Variants in KCNQ1 observed in about 807,000 individuals in gnomAD.
KCNQ1 encodes the protein potassium voltage-gated channel subfamily Q member 1.
Under a neutral mutation model 72.4 loss-of-function variants are expected in KCNQ1, and 49 were observed. The ratio of observed to expected loss-of-function variants is 0.68; its 90% confidence interval spans 0.54 to 0.86. The LOEUF is 0.86. Among genes scored for constraint, KCNQ1 ranks in the 40% least tolerant of loss-of-function variants. KCNQ1 has a pLI of 0.00. For missense variants in KCNQ1, 790 were observed against 945.1 expected, an observed-to-expected ratio of 0.84 and a Z score of 2.15; for synonymous variants, 450 against 412.6, an observed-to-expected ratio of 1.09 and a Z score of -1.10.
chr11:2,709,246 CCAGCTG>C (rs1850964985), intron 11 of KCNQ1, among the ~76,000 whole-genome samples: 1 of 148,686 alleles, frequency 6.7e-6, no homozygotes, highest in Admixed American at 6.7e-5. Context: ...CCCCCCAGCC[CCAGCTG>C]CAGAGGACTT....
chr11:2,632,203 A>G, intron 10 of KCNQ1: 1 of 397,376 alleles, frequency 2.5e-6, no homozygotes, highest in Non-Finnish European at 4.4e-6. Flanking sequence ...AAAAAAAAAA[A>G]GAAATGCAAC....
chr11:2,445,176 C>T lies in KCNQ1; in HGVS notation c.78C>T (p.Gly26=). 1 of 1,133,860 alleles carries T rather than the reference C, an allele frequency of 8.8e-7. No homozygotes were observed. The highest frequency in any genetic ancestry group is 1.1e-6 in the Non-Finnish European group (1 of 922,400). The allele number at this position is 1,133,860 out of a possible 1,614,324, so 70.2% of individuals were successfully genotyped here. A position where few individuals can be genotyped will look rare whatever the true frequency, so the allele number is the denominator to read the frequency against. ...GWGRLPGARR[G]SAGLAKKCPF... Reference sequence around the variant, plus strand: ...GCCGCCTGCCAGGCGCCCGGCGGGGCAGCGCGGGCCTGGCCAAGAAGTGCC... The same window carrying T: ...GCCGCCTGCCAGGCGCCCGGCGGGGTAGCGCGGGCCTGGCCAAGAAGTGCC... Residue 26 remains glycine, a synonymous_variant, in exon 1 of 16, where the codon GGC becomes GGT. Coordinates refer to ENST00000155840, the MANE Select transcript of KCNQ1 (RefSeq NM_000218.3).
intron 10 of KCNQ1, chr11:2,640,342 C>T: frequency 2.5e-6 from 1 of 398,594 alleles, no homozygotes; most frequent in South Asian, 1.3e-4. Flanking sequence ...ATTCGGCCAT[C>T]TTGGAACCAC....
chr11:2,542,131 C>G (rs926748228), intron 2 of KCNQ1, among the ~76,000 whole-genome samples: 1 of 152,252 alleles, frequency 6.6e-6, no homozygotes, highest in African/African-American at 2.4e-5. Context: ...GGTCCACACA[C>G]GTCACCAATC....
At chr11:2,605,540 A>C (rs1181204941) in intron 10 of KCNQ1, among the ~76,000 whole-genome samples, 1 of 152,222 alleles carries the variant, frequency 6.6e-6, no homozygotes, top group Non-Finnish European at 1.5e-5. Flanking sequence ...TGTTCAAAAG[A>C]CTATTCTTTC....
In KCNQ1 at chr11:2,703,726, T is replaced by C. The variant is rs1437473287; in HGVS notation, c.1514+41645T>C. The stretch of plus-strand genomic sequence containing the variant: ...TGCAAGGCAGGAGAAAGAACTGCTG[T>C]GGGAGCCCCTCACCCAAGCAGCAGG... On this transcript the variant is annotated intron_variant, in intron 11 of 15. Transcript: ENST00000155840. The surrounding 1 kb of genome is among the most constrained non-coding windows in gnomAD (Gnocchi z 6.4). Among the ~76,000 whole-genome samples the C allele has an allele frequency of 5.3e-5, 8 of 152,204 alleles. No individual in the cohort carries two copies. The East Asian group carries it at 9.6e-4, about 18-fold the overall frequency.
At chr11:2,619,465 A>G (rs917122905) in intron 10 of KCNQ1, 1 of 398,618 alleles carries the variant, frequency 2.5e-6, no homozygotes, top group Admixed American at 4.4e-5. Context: ...TTAGTATCAC[A>G]TTGATTGCTA....
rs1476144844 is a variant in KCNQ1 at position 2,670,336 on chromosome 11, G to C, written c.1514+8255G>C. ...ATCTCAAATATGGTAGCAGAGTTCA[G>C]ACTCAGTGGCTTTCAGATGGTTAGT... On this transcript the variant is annotated intron_variant, in intron 11 of 15. Coordinates refer to ENST00000155840, the MANE Select transcript of KCNQ1 (RefSeq NM_000218.3). The surrounding 1 kb of genome is among the most constrained non-coding windows in gnomAD (Gnocchi z 4.9). 2.5e-6 allele frequency: 1 copy of C among 398,436 alleles called. No individual in the cohort carries two copies. Among genetic ancestry groups the C allele is most frequent in the Non-Finnish European group, 4.4e-6 (1 of 226,068 alleles). The allele number at this position is 398,436 out of a possible 1,614,324, so 24.7% of individuals were successfully genotyped here.
rs1264125583 is a variant in KCNQ1 at position 2,592,326 on chromosome 11, A to G, written c.1393+3472A>G. ...AGGCACAGGCAGGTATGGCAGTGGC[A>G]GACCTCAGGGGAGGGAGGCTGGGAA... is the stretch of plus-strand genomic sequence containing the variant. On this transcript the variant is annotated intron_variant, in intron 10 of 15. Transcript: ENST00000155840. The surrounding 1 kb of genome is among the most constrained non-coding windows in gnomAD (Gnocchi z 5.2). Among the ~76,000 whole-genome samples the G allele has an allele frequency of 6.6e-6, 1 of 152,234 alleles. No individual in the cohort carries two copies. The highest frequency in any genetic ancestry group is 2.4e-5 in the African/African-American group (1 of 41,450).
At chr11:2,770,402 G>A (rs910939868) in intron 12 of KCNQ1, among the ~76,000 whole-genome samples, 1 of 152,360 alleles carries the variant, frequency 6.6e-6, no homozygotes, top group South Asian at 2.1e-4. Flanking sequence ...GCCAGCACCC[G>A]CTAGGCTCGT....
intron 11 of KCNQ1, chr11:2,685,218 C>G (rs1296378575): frequency 1.0e-5 from 4 of 398,664 alleles, no homozygotes; most frequent in Non-Finnish European, 8.8e-6. Context: ...AGCTCACACA[C>G]GGAGGCACTA....
intron 15 of KCNQ1, among the ~76,000 whole-genome samples, chr11:2,836,311 C>T (rs550007066): frequency 6.6e-6 from 1 of 152,132 alleles, no homozygotes; most frequent in Admixed American, 6.5e-5. Context: ...AGCAGGAGCC[C>T]CCACACCCAC....
intron 6 of KCNQ1, among the ~76,000 whole-genome samples, chr11:2,581,155 G>A (rs1232236065): frequency 6.6e-6 from 1 of 152,238 alleles, no homozygotes; most frequent in East Asian, 1.9e-4. Context: ...TCAAGGCCAG[G>A]ATAGGCCAGG....
At chr11:2,489,719 A>G (rs764644414) in intron 1 of KCNQ1, among the ~76,000 whole-genome samples, 10 of 152,218 alleles carry the variant, frequency 6.6e-5, no homozygotes, top group Non-Finnish European at 1.3e-4. Context: ...GGCAGAGTCA[A>G]TGGGCACACA....
At chr11:2,822,227 A>G (rs978846288) in intron 15 of KCNQ1, among the ~76,000 whole-genome samples, 1 of 152,188 alleles carries the variant, frequency 6.6e-6, no homozygotes, top group African/African-American at 2.4e-5. Context: ...ACACCTTGTT[A>G]GCCCGGTGAG....
chr11:2,722,967 A>T (rs892174999), intron 11 of KCNQ1, among the ~76,000 whole-genome samples: 2 of 152,218 alleles, frequency 1.3e-5, no homozygotes, highest in Non-Finnish European at 2.9e-5. Flanking sequence ...TGGGCACTGC[A>T]GCTGCCACCT....
Position 2,809,487 on chromosome 11 carries a change from G to A in KCNQ1, c.1794+31450G>A, listed in dbSNP as rs1847444908. Among the ~76,000 whole-genome samples, 1 of 152,116 alleles carries A rather than the reference G, an allele frequency of 6.6e-6. No individual in the cohort carries two copies. The highest frequency in any genetic ancestry group is 2.1e-4 in the South Asian group (1 of 4,820). On this transcript the variant is annotated intron_variant, in intron 15 of 15. Transcript: ENST00000155840. The surrounding 1 kb of genome is among the most constrained non-coding windows in gnomAD (Gnocchi z 7.1). Reference sequence around the variant, plus strand: ...TTGTGATACTTGTGCACAGCTTGGGGGCTCTGCTTCCCTCTGTTTGTTCGT... The same window carrying A: ...TTGTGATACTTGTGCACAGCTTGGGAGCTCTGCTTCCCTCTGTTTGTTCGT...
In KCNQ1 at chr11:2,494,719, A is replaced by G. The variant is rs1398477268; in HGVS notation, c.387-33209A>G. On this transcript the variant is annotated intron_variant, in intron 1 of 15. Transcript: ENST00000155840. The surrounding 1 kb of genome is among the most constrained non-coding windows in gnomAD (Gnocchi z 4.6). The stretch of plus-strand genomic sequence containing the variant: ...TTGATCACCATGGATAAGCTTTTTG[A>G]TGTGCTGCTGGATTCAGTTTGCCAG... Among the ~76,000 whole-genome samples, 1 of 152,124 alleles carries G rather than the reference A, an allele frequency of 6.6e-6. No individual in the cohort carries two copies. The highest frequency in any genetic ancestry group is 1.5e-5 in the Non-Finnish European group (1 of 68,018).
At position 2,570,212 on chromosome 11, in the gene KCNQ1, C is replaced by T. The variant is rs965562336; in HGVS notation, c.478-416C>T. On this transcript the variant is annotated intron_variant, in intron 2 of 15. Transcript: ENST00000155840. ...CTCTGACCCAAGCTGGGGTTCCTGG[C>T]GTCGGACGCCCTCTGGCCCAAGCTG... 3.6e-3 allele frequency among the ~76,000 whole-genome samples: 532 copies of T among 148,984 alleles called. 1 individual carries two copies. The highest frequency in any genetic ancestry group is 0.013 in the African/African-American group (512 of 38,922).
Sources: gnomAD v4.1 joint callset for allele counts (sites outside exome capture counted in the v4.1 genomes callset) on GRCh38, gnomAD v4.1.1 for gene constraint, Gnocchi (gnomAD v3.1) non-coding constraint, MANE v1.5 for transcripts, NCBI Gene and HGNC (gene_info 2026-07-23, HGNC 2026-07-21) for gene names.